The following SPATS2L variants were observed in gnomAD, a reference collection of about 807,000 sequenced individuals.
SPATS2L encodes spermatogenesis associated serine rich 2 like, also known as SPATS2-like protein.
A neutral mutation model predicts 59.6 loss-of-function variants in SPATS2L; 30 were observed. The observed-to-expected ratio is 0.50, with a 90% CI of 0.38 to 0.68. The LOEUF (loss-of-function observed/expected upper bound fraction) is 0.68, where lower values mean the gene tolerates loss of function less well. Among genes scored for constraint, SPATS2L ranks in the 30% least tolerant of loss-of-function variants. SPATS2L has a pLI of 0.00. For synonymous variants in SPATS2L, 252 were observed against 263.5 expected, an observed-to-expected ratio of 0.96 and a Z score of 0.42; for missense variants, 615 against 700.0, an observed-to-expected ratio of 0.88 and a Z score of 1.37.
intron 2 of SPATS2L, among the ~76,000 whole-genome samples, chr2:200,365,937 TAGG>T (rs2081256235): frequency 6.6e-6 from 1 of 152,198 alleles, no homozygotes; most frequent in Non-Finnish European, 1.5e-5. Flanking sequence ...CCTATATACA[TAGG>T]AGATGCTCAA....
rs567500090 is a variant in SPATS2L, at chr2:200,462,944, A to G, written c.847+3117A>G. 3.4e-5 allele frequency among the ~76,000 whole-genome samples: 5 copies of G among 146,558 alleles called. 1 individual carries two copies. In the East Asian group the frequency reaches 5.8e-4, roughly 17 times the overall value. ...CTGTATTAAAAATAATAATAACAAT[A>G]ATAATAATAATAATATCCATCTCAA... On this transcript the variant is annotated intron_variant, in intron 9 of 12. Transcript: ENST00000409140.
chr2:200,478,111 GTCAA>G lies in SPATS2L; in HGVS notation c.*84_*87del, dbSNP rs1327083179. The G allele has an allele frequency of 7.4e-7, 1 of 1,348,488 alleles. No homozygotes were observed. Among genetic ancestry groups the G allele is most frequent in the Non-Finnish European group, 1.0e-6 (1 of 999,564 alleles). The allele number at this position is 1,348,488 out of a possible 1,614,324, so 83.5% of individuals were successfully genotyped here. On this transcript the variant is annotated 3_prime_UTR_variant, in exon 13 of 13. Transcript: ENST00000409140. ...TGACCCAATTCGCTGCCAAAAGAGT[GTCAA>G]TCAGAATATACAAATCCCGTATGGT...
chr2:200,373,951 A>C (rs887874504), intron 2 of SPATS2L, among the ~76,000 whole-genome samples: 2 of 152,194 alleles, frequency 1.3e-5, no homozygotes, highest in African/African-American at 4.8e-5. Flanking sequence ...CTGGGATAGG[A>C]TGAGAAGGAA....
chr2:200,372,169 C>T (rs770953717), intron 2 of SPATS2L: 3 of 985,382 alleles, frequency 3.0e-6, no homozygotes, highest in South Asian at 4.7e-5. Flanking sequence ...ATGGGAAACT[C>T]GGGAAAAGAC....
At chr2:200,332,760 T>C (rs912280520) in intron 2 of SPATS2L, among the ~76,000 whole-genome samples, 2 of 122,730 alleles carry the variant, frequency 1.6e-5, no homozygotes, top group Non-Finnish European at 3.5e-5. Context: ...AAAAAAAAAC[T>C]AAGTTAGCTG....
chr2:200,339,811 T>C (rs1472685788), intron 2 of SPATS2L, among the ~76,000 whole-genome samples: 1 of 152,232 alleles, frequency 6.6e-6, no homozygotes, highest in Non-Finnish European at 1.5e-5. Flanking sequence ...AATGTAATTA[T>C]GTTACTGCTA....
chr2:200,310,045 A>T (rs993911904), intron 1 of SPATS2L, among the ~76,000 whole-genome samples: 1 of 152,090 alleles, frequency 6.6e-6, no homozygotes, highest in Admixed American at 6.5e-5. Flanking sequence ...TGATAAAAAA[A>T]TTTTAAATGT....
At chr2:200,385,649 T>C (rs1370976601) in intron 2 of SPATS2L, among the ~76,000 whole-genome samples, 1 of 152,104 alleles carries the variant, frequency 6.6e-6, no homozygotes. Flanking sequence ...CCAGTGTTTG[T>C]CCTTAGCAGT....
At chr2:200,472,323 C>G (rs936538966) in intron 11 of SPATS2L, among the ~76,000 whole-genome samples, 1 of 152,220 alleles carries the variant, frequency 6.6e-6, no homozygotes, top group Admixed American at 6.5e-5. Flanking sequence ...TCCAACATCA[C>G]CCCATTCCCA....
At chr2:200,401,505 T>C (rs1331593514) in intron 3 of SPATS2L, among the ~76,000 whole-genome samples, 1 of 152,130 alleles carries the variant, frequency 6.6e-6, no homozygotes, top group Non-Finnish European at 1.5e-5. Context: ...TAATATTACA[T>C]AAATAATGGA....
chr2:200,325,905 G>A (rs978656), intron 1 of SPATS2L, among the ~76,000 whole-genome samples: 22,963 of 146,144 alleles, frequency 0.16, 2,256 homozygotes, highest in South Asian at 0.37. Flanking sequence ...TCTTCCTTGT[G>A]TTCTTTGACT....
chr2:200,432,798 T>G (rs1268487310), intron 6 of SPATS2L, among the ~76,000 whole-genome samples: 3 of 152,144 alleles, frequency 2.0e-5, no homozygotes, highest in Middle Eastern at 3.2e-3. Context: ...ATTTAAGTCA[T>G]CAGGTGTGCT....
chr2:200,414,137 T>A (rs1371826677), intron 4 of SPATS2L, among the ~76,000 whole-genome samples: 1 of 151,230 alleles, frequency 6.6e-6, no homozygotes, highest in Non-Finnish European at 1.5e-5. Context: ...ATCATGAAAG[T>A]TTTTATTGCA....
chr2:200,420,986 A>C (rs1396966478), intron 6 of SPATS2L, among the ~76,000 whole-genome samples: 3 of 152,176 alleles, frequency 2.0e-5, no homozygotes, highest in African/African-American at 7.2e-5. Context: ...TTTGATGAGA[A>C]TCACTACACT....
In SPATS2L at chr2:200,472,843, A is replaced by G; in HGVS notation, c.1072A>G (p.Lys358Glu). The change falls in exon 12 of 13, where the codon AAG (lysine) becomes GAG (glutamate). Residue 358 changes from lysine to glutamate, a missense_variant. Coordinates refer to ENST00000409140, the MANE Select transcript of SPATS2L (RefSeq NM_001100423.2). Reference protein sequence around the residue: ...IMLCGEITHPKNNYSSRTPCS... With the variant: ...IMLCGEITHPENNYSSRTPCS... The stretch of plus-strand genomic sequence containing the variant: ...CTTTATTATTGCAGTTACACATCCA[A>G]AGAACAACTATTCCTCAAGAACTCC... 1.2e-6 allele frequency: 2 copies of G among 1,613,900 alleles called. No homozygotes were observed. The highest frequency in any genetic ancestry group is 1.7e-6 in the Non-Finnish European group (2 of 1,179,850).
At chr2:200,333,466 A>G (rs1305375864) in intron 2 of SPATS2L, among the ~76,000 whole-genome samples, 1 of 151,694 alleles carries the variant, frequency 6.6e-6, no homozygotes, top group Non-Finnish European at 1.5e-5. Flanking sequence ...AGTTTGGGGT[A>G]CAAGGGTTTT....
intron 2 of SPATS2L, among the ~76,000 whole-genome samples, chr2:200,385,607 C>A (rs2081964763): frequency 6.6e-6 from 1 of 152,174 alleles, no homozygotes; most frequent in Non-Finnish European, 1.5e-5. Context: ...TCAGGACACA[C>A]CGAAAATAAC....
chr2:200,372,085 C>T (rs1460423089), intron 2 of SPATS2L: 4 of 985,342 alleles, frequency 4.1e-6, no homozygotes, highest in Non-Finnish European at 4.8e-6. Flanking sequence ...CTGGACTTGA[C>T]TTGGCTTCAA....
chr2:200,454,716 A>C (rs1165402497), intron 8 of SPATS2L, among the ~76,000 whole-genome samples: 2 of 152,172 alleles, frequency 1.3e-5, no homozygotes, highest in Non-Finnish European at 2.9e-5. Context: ...GTGTTTTTAG[A>C]AGGAGAAAGG....
Sources: allele counts gnomAD v4.1 joint callset (sites outside exome capture counted in the v4.1 genomes callset), GRCh38; gene constraint gnomAD v4.1.1; transcripts MANE v1.5; gene names NCBI Gene and HGNC (gene_info 2026-07-23, HGNC 2026-07-21).